The following SCEL variants were observed in gnomAD, a reference collection of about 807,000 sequenced individuals.
The protein encoded by SCEL is sciellin.
SCEL carries 113 observed loss-of-function variants against 117.6 expected under a neutral mutation model. The ratio of observed to expected loss-of-function variants is 0.96; its 90% CI spans 0.83 to 1.12. SCEL has a LOEUF of 1.12. SCEL is among the 50% of genes most tolerant of loss of function. The probability of loss-of-function intolerance (pLI) is 0.00; values close to 1 mark genes in which losing one functional copy is unlikely to be tolerated. For synonymous variants in SCEL, 270 were observed against 256.2 expected (o/e 1.05, Z -0.51); for missense variants, 785 against 810.8 (o/e 0.97, Z 0.39).
intron 5 of SCEL, among the ~76,000 whole-genome samples, chr13:77,567,462 A>G (rs1189802867): frequency 6.6e-6 from 1 of 152,212 alleles, no homozygotes; most frequent in Non-Finnish European, 1.5e-5. Flanking sequence ...TCAAAAAATA[A>G]AATAAAATTT....
intron 8 of SCEL, among the ~76,000 whole-genome samples, chr13:77,571,767 T>C (rs1227415072): frequency 3.3e-5 from 5 of 151,424 alleles, no homozygotes; most frequent in Admixed American, 1.3e-4. Context: ...TGTTGTGAAA[T>C]AGTTCAGACA....
In SCEL at chr13:77,602,704, C is replaced by T. The variant is rs144213801; in HGVS notation, c.1028C>T (p.Thr343Met). 8.4e-5 allele frequency: 135 copies of T among 1,613,354 alleles called. No individual in the cohort carries two copies. Among genetic ancestry groups the T allele is most frequent in the Middle Eastern group, 3.3e-4 (2 of 6,040 alleles). The change falls in exon 17 of 33, where the codon ACG becomes ATG. Residue 343 changes from threonine (T) to methionine (M), a missense_variant. By Grantham distance (81) the Thr-to-Met change is moderately conservative. Transcript: ENST00000349847. Reference sequence around the variant, plus strand: ...AAAGTGAATGCCAGGATGAATAAAACGAGCAGAAGGTGAGAACTGAACAGA... The same window carrying T: ...AAAGTGAATGCCAGGATGAATAAAATGAGCAGAAGGTGAGAACTGAACAGA... ...VAKVNARMNK[T>M]SRRSEDLDNA...
At chr13:77,576,806 A>C (rs2085968371) in intron 9 of SCEL, among the ~76,000 whole-genome samples, 1 of 151,988 alleles carries the variant, frequency 6.6e-6, no homozygotes. Flanking sequence ...GTCCTCTCTG[A>C]TTTCTTTGAG....
At chr13:77,585,617 A>G (rs978038050) in intron 9 of SCEL, among the ~76,000 whole-genome samples, 13 of 152,200 alleles carry the variant, frequency 8.5e-5, no homozygotes, top group Admixed American at 7.2e-4. Flanking sequence ...CGGCCTCACC[A>G]CCACTCTGCT....
intron 1 of SCEL, among the ~76,000 whole-genome samples, chr13:77,548,266 A>T (rs2084104022): frequency 1.3e-5 from 2 of 152,242 alleles, no homozygotes; most frequent in Non-Finnish European, 2.9e-5. Flanking sequence ...ATGAGTGACG[A>T]AGCTGGGGAC....
At chr13:77,573,652 T>C (rs2085772400) in intron 9 of SCEL, among the ~76,000 whole-genome samples, 2 of 151,622 alleles carry the variant, frequency 1.3e-5, no homozygotes, top group Non-Finnish European at 1.5e-5. Context: ...TATCTATCTA[T>C]CTATCTATCT....
Position 77,561,701 on chromosome 13 carries a change from C to T in SCEL, c.221+1838C>T, listed in dbSNP as rs141598517. Among the ~76,000 whole-genome samples, 80 of 152,244 alleles carry T rather than the reference C, an allele frequency of 5.3e-4. 1 individual carries two copies. The highest frequency in any genetic ancestry group is 3.9e-3 in the South Asian group (19 of 4,826). On this transcript the variant is annotated intron_variant, in intron 4 of 32. Coordinates refer to ENST00000349847, the MANE Select transcript of SCEL (RefSeq NM_144777.3). Reference sequence around the variant, plus strand: ...CAAATGAAAATACTAAAGTTTATCACGGAAAGTGCTATAGTAGAGGTGTGT... The same window carrying T: ...CAAATGAAAATACTAAAGTTTATCATGGAAAGTGCTATAGTAGAGGTGTGT...
chr13:77,536,070 A>G (rs978087811), intron 1 of SCEL, among the ~76,000 whole-genome samples: 2 of 151,432 alleles, frequency 1.3e-5, no homozygotes, highest in Non-Finnish European at 2.9e-5. Flanking sequence ...CACCTATTTG[A>G]TTTTCTGGGT....
At chr13:77,583,216 TCTC>T (rs1475160499) in intron 9 of SCEL, among the ~76,000 whole-genome samples, 2 of 152,138 alleles carry the variant, frequency 1.3e-5, no homozygotes, top group Admixed American at 6.5e-5. Context: ...TCTGAGCCAA[TCTC>T]CTCCTTTTAT....
rs969070068 is a variant in SCEL at position 77,560,887 on chromosome 13, G to A, written c.221+1024G>A. ...GGTGTGGATCTTAAAAAGTTAAGCA[G>A]ACACTTGGGACACGTCTATTTTGGA... On this transcript the variant is annotated intron_variant, in intron 4 of 32. Transcript: ENST00000349847. Among the ~76,000 whole-genome samples the A allele has an allele frequency of 2.6e-5, 4 of 151,390 alleles. No homozygotes were observed. The East Asian group carries it at 7.7e-4, about 29-fold the overall frequency.
In SCEL at chr13:77,593,300, G is replaced by GTGCGCGTC. The variant is rs1555510800; in HGVS notation, c.693-212_693-211insCGCGTCTG. Among the ~76,000 whole-genome samples the GTGCGCGTC allele has an allele frequency of 2.9e-3, 424 of 145,196 alleles. 3 individuals carry two copies. Among genetic ancestry groups the GTGCGCGTC allele is most frequent in the African/African-American group, 0.01 (403 of 39,112 alleles). ...TGTGTGTGTGTGTGTGTGTGTGTCT[G>GTGCGCGTC]TGTGTGTGTGTGTGTGTGTCAGTGG... On this transcript the variant is annotated intron_variant, in intron 11 of 32. Transcript: ENST00000349847.
At chr13:77,611,851 A>G (rs919250129) in intron 22 of SCEL, among the ~76,000 whole-genome samples, 4 of 152,184 alleles carry the variant, frequency 2.6e-5, no homozygotes, top group African/African-American at 9.7e-5. Context: ...CTTAGTGTTC[A>G]AGTGCTTATT....
chr13:77,630,718 G>A (rs1347530687), intron 28 of SCEL, among the ~76,000 whole-genome samples: 1 of 152,186 alleles, frequency 6.6e-6, no homozygotes, highest in African/African-American at 2.4e-5. Context: ...TTTCTCAAGT[G>A]TAAATCCATT....
intron 27 of SCEL, among the ~76,000 whole-genome samples, chr13:77,620,916 A>G (rs2089375216): frequency 2.0e-5 from 3 of 152,180 alleles, no homozygotes; most frequent in South Asian, 4.1e-4. Context: ...GTTCCTTCCT[A>G]ACTATCTATT....
At chr13:77,556,951 G>A (rs997727953) in intron 3 of SCEL, among the ~76,000 whole-genome samples, 49 of 152,134 alleles carry the variant, frequency 3.2e-4, no homozygotes, top group African/African-American at 1.1e-3. Context: ...CTGAGAGAGA[G>A]CCTGGTTATT....
intron 32 of SCEL, among the ~76,000 whole-genome samples, chr13:77,643,240 A>G (rs1036165892): frequency 6.6e-6 from 1 of 152,156 alleles, no homozygotes; most frequent in African/African-American, 2.4e-5. Context: ...AGTTAATTCT[A>G]TGTAGTTTTA....
intron 28 of SCEL, among the ~76,000 whole-genome samples, chr13:77,632,110 C>A (rs1202935527): frequency 6.6e-6 from 1 of 152,208 alleles, no homozygotes; most frequent in African/African-American, 2.4e-5. Context: ...CTCAGATGAC[C>A]TTTATTACCT....
intron 15 of SCEL, 177 bp downstream of exon 15, chr13:77,599,925 A>T: frequency 1.7e-6 from 1 of 571,674 alleles, no homozygotes; most frequent in Non-Finnish European, 3.1e-6. Flanking sequence ...AATCTGGGTG[A>T]CCCTGGGCAA....
chr13:77,588,803 A>G (rs997229570), intron 9 of SCEL, among the ~76,000 whole-genome samples: 1 of 152,146 alleles, frequency 6.6e-6, no homozygotes, highest in Non-Finnish European at 1.5e-5. Flanking sequence ...AGGACCATTT[A>G]CAGTTCTCAT....
Sources: gnomAD v4.1 joint callset for allele counts (sites outside exome capture counted in the v4.1 genomes callset) on GRCh38, gnomAD v4.1.1 for gene constraint, MANE v1.5 for transcripts, NCBI Gene and HGNC (gene_info 2026-07-23, HGNC 2026-07-21) for gene names.